The following DNAH11 variants were observed in gnomAD, a reference collection of about 807,000 sequenced individuals.
The protein encoded by DNAH11 is axonemal beta dynein heavy chain 11.
A neutral mutation model predicts 526.0 loss-of-function variants in DNAH11; 442 were observed. The ratio of observed to expected loss-of-function variants is 0.84; its 90% CI spans 0.78 to 0.91. The LOEUF (loss-of-function observed/expected upper bound fraction) is 0.91, where lower values mean the gene tolerates loss of function less well. Among genes scored for constraint, DNAH11 ranks in the 40% least tolerant of loss-of-function variants. DNAH11 has a pLI of 0.00. For missense variants in DNAH11, 6,989 were observed against 5,448.7 expected, an observed-to-expected ratio of 1.28 and a Z score of -8.90; for synonymous variants, 2,461 against 1,935.9, an observed-to-expected ratio of 1.27 and a Z score of -7.12.
intron 9 of DNAH11, among the ~76,000 whole-genome samples, chr7:21,583,388 C>G (rs180851591): frequency 2.0e-4 from 30 of 152,188 alleles, no homozygotes; most frequent in African/African-American, 7.0e-4. Flanking sequence ...TTGCCATATG[C>G]AGAAAACGGA....
intron 14 of DNAH11, among the ~76,000 whole-genome samples, chr7:21,592,277 G>C (rs966427778): frequency 2.6e-5 from 4 of 152,174 alleles, no homozygotes; most frequent in African/African-American, 9.6e-5. Context: ...AGTCGCTTGC[G>C]GGTAGGGTGG....
chr7:21,624,754 T>G (rs1462692979), intron 25 of DNAH11, among the ~76,000 whole-genome samples: 1 of 152,322 alleles, frequency 6.6e-6, no homozygotes, highest in East Asian at 1.9e-4. Context: ...GTTTTAATCA[T>G]GAAATGATGT....
chr7:21,882,004 T>A (rs1783939574), intron 75 of DNAH11, among the ~76,000 whole-genome samples: 1 of 152,256 alleles, frequency 6.6e-6, no homozygotes, highest in Non-Finnish European at 1.5e-5. Context: ...TATTTTTGTG[T>A]TGATTCCCAG....
rs775491835 is a variant in DNAH11, at chr7:21,773,748, T to C, written c.9103-18T>C. The C allele has an allele frequency of 1.4e-6, 2 of 1,460,372 alleles. No homozygotes were observed. Among genetic ancestry groups the C allele is most frequent in the Non-Finnish European group, 1.8e-6 (2 of 1,087,438 alleles). The allele number at this position is 1,460,372 out of a possible 1,614,324, so 90.5% of individuals were successfully genotyped here. On this transcript the variant is annotated intron_variant, in intron 55 of 81. Transcript: ENST00000409508. Reference sequence around the variant, plus strand: ...ATTTGAGAGGATTTCACATGAACTGTAATGTTTGTGTTTTCAGCCAGTGCA... The same window carrying C: ...ATTTGAGAGGATTTCACATGAACTGCAATGTTTGTGTTTTCAGCCAGTGCA...
intron 40 of DNAH11, 124 bp downstream of exon 40, chr7:21,707,959 T>C (rs746466256): frequency 7.0e-5 from 69 of 989,334 alleles, no homozygotes; most frequent in Non-Finnish European, 9.3e-5. Flanking sequence ...ATTGGAAATA[T>C]AGCAGATCAC....
At chr7:21,769,981 C>G (rs910310565) in intron 55 of DNAH11, among the ~76,000 whole-genome samples, 1 of 152,068 alleles carries the variant, frequency 6.6e-6, no homozygotes, top group Non-Finnish European at 1.5e-5. Context: ...AAAGCATAAG[C>G]AAATAACAAA....
intron 61 of DNAH11, among the ~76,000 whole-genome samples, chr7:21,797,205 T>C (rs1276814422): frequency 6.6e-6 from 1 of 152,148 alleles, no homozygotes; most frequent in Non-Finnish European, 1.5e-5. Flanking sequence ...GATGATTATA[T>C]ATTTGCTTTG....
chr7:21,792,770 T>C (rs1390726467), intron 61 of DNAH11, among the ~76,000 whole-genome samples: 1 of 152,114 alleles, frequency 6.6e-6, no homozygotes, highest in Non-Finnish European at 1.5e-5. Context: ...TTTATTTGGG[T>C]CTTCTCTCCT....
intron 45 of DNAH11, among the ~76,000 whole-genome samples, chr7:21,729,062 G>C (rs1049814498): frequency 2.0e-5 from 3 of 152,228 alleles, no homozygotes; most frequent in African/African-American, 4.8e-5. Flanking sequence ...GGGGGAAATA[G>C]CCTCATCTCC....
In DNAH11 at chr7:21,601,162, G is replaced by C; in HGVS notation, c.3408G>C (p.Leu1136Phe). 6.2e-7 allele frequency: 1 copy of C among 1,600,478 alleles called. No homozygotes were observed. Among genetic ancestry groups the C allele is most frequent in the Non-Finnish European group, 8.5e-7 (1 of 1,176,988 alleles). ...KWSWMFQEHL[L>F]RFVIDSLNEL... ...GCTGGATGTTTCAGGAGCATCTTTT[G>C]AGATTTGTCATTGACAGGTAGCCTT... Residue 1136 changes from leucine to phenylalanine, a missense_variant, in exon 17 of 82, where the codon TTG becomes TTC. Leu to Phe is a conservative substitution (Grantham distance 22). Transcript: ENST00000409508.
At chr7:21,649,170 G>A (rs1787508659) in intron 28 of DNAH11, among the ~76,000 whole-genome samples, 1 of 152,210 alleles carries the variant, frequency 6.6e-6, no homozygotes, top group Non-Finnish European at 1.5e-5. Flanking sequence ...GGAGTAATGG[G>A]AATGTTCATA....
intron 55 of DNAH11, among the ~76,000 whole-genome samples, chr7:21,767,649 T>G (rs1583673649): frequency 6.6e-6 from 1 of 152,334 alleles, no homozygotes. Context: ...TGATTTCATT[T>G]CAGTGCAAGC....
chr7:21,690,522 G>A (rs369426059), intron 34 of DNAH11, among the ~76,000 whole-genome samples: 11 of 152,158 alleles, frequency 7.2e-5, no homozygotes, highest in African/African-American at 2.7e-4. Flanking sequence ...AGGATACTAA[G>A]GCTATGCTAA....
rs371970225 is a variant in DNAH11, at chr7:21,864,501, C to G, written c.11374-34C>G. The G allele has an allele frequency of 2.9e-5, 47 of 1,601,250 alleles. No homozygotes were observed. In the South Asian group the frequency reaches 5.3e-4, roughly 18 times the overall value. On this transcript the variant is annotated intron_variant, in intron 69 of 81. Transcript: ENST00000409508. ...CCTGTGTGACGATTTTCATGTAAACCTAATAATCCTTTTCAATTTTGTCTA... is the reference window on the plus strand; with the variant it reads ...CCTGTGTGACGATTTTCATGTAAACGTAATAATCCTTTTCAATTTTGTCTA...
chr7:21,606,410 G>C lies in DNAH11; in HGVS notation c.3649-16G>C, dbSNP rs1224633830. The C allele has an allele frequency of 6.3e-7, 1 of 1,590,348 alleles. No individual in the cohort carries two copies. On this transcript the variant is annotated splice_polypyrimidine_tract_variant and intron_variant, in intron 18 of 81. Coordinates refer to ENST00000409508, the MANE Select transcript of DNAH11 (RefSeq NM_001277115.2). ...GGAATTGAAGTAATTTCGCATTTGT[G>C]CCTTTGCTTTTGCAGGAATTACCTG...
chr7:21,690,960 T>G, intron 35 of DNAH11, 79 bp downstream of exon 35: 1 of 1,027,664 alleles, frequency 9.7e-7, no homozygotes, highest in Non-Finnish European at 1.4e-6. Flanking sequence ...TTAAGTGGTT[T>G]GCTTTTACTT....
At chr7:21,710,322 A>T (rs1583616478) in intron 40 of DNAH11, among the ~76,000 whole-genome samples, 2 of 152,196 alleles carry the variant, frequency 1.3e-5, no homozygotes, top group South Asian at 4.1e-4. Flanking sequence ...TGTTTGGCAT[A>T]TGGGAAGCTC....
At chr7:21,821,733 T>C (rs920280533) in intron 65 of DNAH11, among the ~76,000 whole-genome samples, 2 of 151,766 alleles carry the variant, frequency 1.3e-5, no homozygotes, top group African/African-American at 4.9e-5. Flanking sequence ...CTCTTCTAGC[T>C]ATATTAAAAT....
At chr7:21,679,181 TA>T (rs964892207) in intron 30 of DNAH11, among the ~76,000 whole-genome samples, 92 of 146,338 alleles carry the variant, frequency 6.3e-4, no homozygotes, top group African/African-American at 7.7e-4. Flanking sequence ...ATAAGTGGAT[TA>T]AAAAAAAAAA....
Sources: allele counts gnomAD v4.1 joint callset (sites outside exome capture counted in the v4.1 genomes callset), GRCh38; gene constraint gnomAD v4.1.1; transcripts MANE v1.5; gene names NCBI Gene and HGNC (gene_info 2026-07-23, HGNC 2026-07-21).